The following SMARCA5 variants were observed in gnomAD, a reference collection of about 807,000 sequenced individuals.
SMARCA5 encodes SNF2 related chromatin remodeling ATPase 5, also known as SWI/SNF-related matrix-associated actin-dependent regulator of chromatin subfamily A member 5.
SMARCA5 carries 18 observed loss-of-function variants against 140.4 expected under a neutral mutation model. The observed-to-expected ratio is 0.13, with a 90% CI of 0.09 to 0.19. The LOEUF (loss-of-function observed/expected upper bound fraction) is 0.19, where lower values mean the gene tolerates loss of function less well. Among genes scored for constraint, SMARCA5 ranks in the 10% least tolerant of loss-of-function variants. SMARCA5 has a pLI of 1.00. For missense variants in SMARCA5, 606 were observed against 1,276.8 expected, an observed-to-expected ratio of 0.47 and a Z score of 8.01; for synonymous variants, 449 against 419.6, an observed-to-expected ratio of 1.07 and a Z score of -0.86.
At chr4:143,551,819 G>A (rs1010581428) in intron 23 of SMARCA5, among the ~76,000 whole-genome samples, 2 of 151,864 alleles carry the variant, frequency 1.3e-5, no homozygotes, top group Admixed American at 6.6e-5. Context: ...ACTATAGCTC[G>A]GTACTATAAG....
chr4:143,530,130 T>G (rs1214955080), intron 8 of SMARCA5, among the ~76,000 whole-genome samples: 1 of 152,212 alleles, frequency 6.6e-6, no homozygotes, highest in Non-Finnish European at 1.5e-5. Context: ...ATAAAATGTT[T>G]TAATTTTCAA....
At chr4:143,528,857 G>A (rs920968441) in intron 8 of SMARCA5, 143 bp downstream of exon 8, 2 of 619,734 alleles carry the variant, frequency 3.2e-6, no homozygotes, top group Non-Finnish European at 5.2e-6. Context: ...TTAGCCTGGT[G>A]TTATCTCCTA....
At chr4:143,545,418 T>C (rs1342404387) in intron 17 of SMARCA5, 52 bp from the exon 18 acceptor site, 3 of 1,202,010 alleles carry the variant, frequency 2.5e-6, no homozygotes, top group Non-Finnish European at 3.7e-6. Flanking sequence ...AAGGATACAT[T>C]TAAAATGAAA....
rs1316619294 is a variant in SMARCA5 at position 143,555,681 on chromosome 4, G to C, written c.*2497G>C. The C allele has an allele frequency of 4.6e-6, 1 of 215,240 alleles. No individual in the cohort carries two copies. Among genetic ancestry groups the C allele is most frequent in the Non-Finnish European group, 9.2e-6 (1 of 108,278 alleles). The allele number at this position is 215,240 out of a possible 1,614,324, so 13.3% of individuals were successfully genotyped here. A position where few individuals can be genotyped will look rare whatever the true frequency, so the allele number is the denominator to read the frequency against. ...TACTACTTTTAAGAGACAGGGTCTT[G>C]CTCTGTCACCCAGGCTGGAGTGCAG... On this transcript the variant is annotated 3_prime_UTR_variant, in exon 24 of 24. Coordinates refer to ENST00000283131, the MANE Select transcript of SMARCA5 (RefSeq NM_003601.4).
rs1737162767 is a variant in SMARCA5, at chr4:143,530,481, A to G, written c.1113A>G (p.Thr371=). The G allele has an allele frequency of 6.2e-7, 1 of 1,612,076 alleles. No individual in the cohort carries two copies. The highest frequency in any genetic ancestry group is 8.5e-7 in the Non-Finnish European group (1 of 1,179,036). ...SADDFDSWFD[T]NNCLGDQKLV... is the part of the protein sequence containing the mutation. ...AGGACTTTGATTCCTGGTTTGATAC[A>G]AACAACTGCCTTGGGGATCAAAAAC... Residue 371 remains threonine, a synonymous_variant, in exon 9 of 24, where the codon ACA becomes ACG. Transcript: ENST00000283131.
At chr4:143,540,574 C>T in intron 14 of SMARCA5, 79 bp downstream of exon 14, 1 of 1,335,246 alleles carries the variant, frequency 7.5e-7, no homozygotes, top group Non-Finnish European at 1.0e-6. Flanking sequence ...TTAGAAGATT[C>T]TTGTTACTAA....
chr4:143,517,512 A>G (rs1467201694), intron 2 of SMARCA5, 83 bp downstream of exon 2: 4 of 776,982 alleles, frequency 5.1e-6, no homozygotes, highest in East Asian at 3.0e-5. Context: ...ATCTTAGTCC[A>G]TTTTGTGTTA....
Position 143,523,247 on chromosome 4 carries a change from G to T in SMARCA5, c.420-1120G>T, listed in dbSNP as rs369996743. Among the ~76,000 whole-genome samples the T allele has an allele frequency of 1.6e-4, 25 of 152,062 alleles. No homozygotes were observed. In the South Asian group the frequency reaches 5.2e-3, roughly 32 times the overall value. The stretch of plus-strand genomic sequence containing the variant: ...TCACCATGTTGGCCAGGCTAGTCTC[G>T]AACTTCTGACCTCAAGTGATCCACC... On this transcript the variant is annotated intron_variant, in intron 3 of 23. Transcript: ENST00000283131.
intron 2 of SMARCA5, among the ~76,000 whole-genome samples, chr4:143,517,901 T>A (rs1420006232): frequency 6.6e-6 from 1 of 152,190 alleles, no homozygotes; most frequent in East Asian, 1.9e-4. Context: ...ATATGTGTAA[T>A]ATGGAATACT....
At chr4:143,534,213 A>T (rs1166228287) in intron 9 of SMARCA5, among the ~76,000 whole-genome samples, 1 of 152,102 alleles carries the variant, frequency 6.6e-6, no homozygotes, top group African/African-American at 2.4e-5. Context: ...TAACTCTTAG[A>T]TGCACTGGGA....
intron 18 of SMARCA5, 64 bp from the exon 19 acceptor site, chr4:143,545,857 CAGTT>C (rs1737513467): frequency 7.4e-6 from 10 of 1,356,122 alleles, no homozygotes; most frequent in East Asian, 4.7e-5. Flanking sequence ...TGTGAAATGT[CAGTT>C]AGTTGGTTCA....
intron 3 of SMARCA5, among the ~76,000 whole-genome samples, chr4:143,523,028 C>CT (rs1308995326): frequency 6.6e-6 from 1 of 151,930 alleles, no homozygotes; most frequent in South Asian, 2.1e-4. Flanking sequence ...TTTTTTAAAT[C>CT]TTTTTTTGTT....
chr4:143,518,865 G>A (rs1230636563), intron 2 of SMARCA5, among the ~76,000 whole-genome samples: 1 of 151,908 alleles, frequency 6.6e-6, no homozygotes, highest in Non-Finnish European at 1.5e-5. Flanking sequence ...TTATAGTTTA[G>A]ATTCTGACAC....
intron 22 of SMARCA5, among the ~76,000 whole-genome samples, chr4:143,549,151 A>T (rs1296629286): frequency 1.3e-5 from 2 of 152,140 alleles, no homozygotes; most frequent in African/African-American, 2.4e-5. Context: ...TAACTAGTAC[A>T]GTACCGTAAT....
At chr4:143,531,617 A>G (rs373070712) in intron 9 of SMARCA5, among the ~76,000 whole-genome samples, 4 of 152,204 alleles carry the variant, frequency 2.6e-5, no homozygotes, top group African/African-American at 9.7e-5. Flanking sequence ...TGTGACAACC[A>G]AAAATTTCTC....
chr4:143,545,943 C>G lies in SMARCA5; in HGVS notation c.2416C>G (p.Leu806Val), dbSNP rs779744282. The G allele has an allele frequency of 2.7e-5, 43 of 1,602,130 alleles. No individual in the cohort carries two copies. The highest frequency in any genetic ancestry group is 3.5e-5 in the Admixed American group (2 of 56,510). Reference sequence around the variant, plus strand: ...CTTTTAGGTACCTCGAAATCCTGAGCTGCCTAATGCAGCACAGGCACAAAA... The same window carrying G: ...CTTTTAGGTACCTCGAAATCCTGAGGTGCCTAATGCAGCACAGGCACAAAA... ...IGYKVPRNPELPNAAQAQKEE... is the reference protein window; with the variant it reads ...IGYKVPRNPEVPNAAQAQKEE... The change falls in exon 19 of 24, where the codon CTG becomes GTG. Residue 806 changes from leucine to valine, a missense_variant. By Grantham distance (32) the Leu-to-Val change is conservative. Around this residue, in one of 10 missense-constraint regions of SMARCA5, gnomAD observed 121 missense variants for 227.1 expected, o/e 0.53. Coordinates refer to ENST00000283131, the MANE Select transcript of SMARCA5 (RefSeq NM_003601.4).
At chr4:143,522,700 A>G (rs542421205) in intron 3 of SMARCA5, among the ~76,000 whole-genome samples, 1 of 152,324 alleles carries the variant, frequency 6.6e-6, no homozygotes, top group South Asian at 2.1e-4. Flanking sequence ...AGAAGTTTGC[A>G]TTAGTGTCAT....
chr4:143,528,199 C>T (rs752089195), intron 7 of SMARCA5, among the ~76,000 whole-genome samples, 176 bp downstream of exon 7: 44 of 152,192 alleles, frequency 2.9e-4, no homozygotes, highest in Non-Finnish European at 3.4e-4. Flanking sequence ...TTTTAAGCCC[C>T]GCATGCATTA....
rs915855577 is a variant in SMARCA5 at position 143,513,709 on chromosome 4, G to GAGAA, written c.-215_-214insGAAA. ...TCCCGCCGTGAGGTAAGCGCCGGTGGAACCTAGAGCCCCGCGGAAGAGCAG... is the reference window on the plus strand; with the variant it reads ...TCCCGCCGTGAGGTAAGCGCCGGTGGAGAAAACCTAGAGCCCCGCGGAAGAGCAG... On this transcript the variant is annotated 5_prime_UTR_variant, in exon 1 of 24. Transcript: ENST00000283131. 80 of 573,880 alleles carry GAGAA rather than the reference G, an allele frequency of 1.4e-4. No homozygotes were observed. Among genetic ancestry groups the GAGAA allele is most frequent in the Non-Finnish European group, 2.0e-4 (68 of 332,468 alleles). The allele number at this position is 573,880 out of a possible 1,614,324, so 35.5% of individuals were successfully genotyped here.
Sources: allele counts gnomAD v4.1 joint callset (sites outside exome capture counted in the v4.1 genomes callset), GRCh38; gene constraint gnomAD v4.1.1; regional missense constraint gnomAD v4.1.1; transcripts MANE v1.5; gene names NCBI Gene and HGNC (gene_info 2026-07-23, HGNC 2026-07-21).